Variants in ADGRG2 observed in about 807,000 individuals in gnomAD.
ADGRG2 encodes the protein adhesion G protein-coupled receptor G2.
Under a neutral mutation model 74.1 loss-of-function variants are expected in ADGRG2, and 26 were observed. The ratio of observed to expected loss-of-function variants is 0.35; its 90% CI spans 0.26 to 0.49. The LOEUF (loss-of-function observed/expected upper bound fraction) is 0.49. Ranked by LOEUF, ADGRG2 falls within the 20% of genes least tolerant of loss-of-function variation. The pLI is 0.99. For synonymous variants in ADGRG2, 296 were observed against 295.2 expected (o/e 1.00, Z -0.03); for missense variants, 619 against 763.1 (o/e 0.81, Z 2.22).
intron 15 of ADGRG2, among the ~76,000 whole-genome samples, chrX:19,014,384 C>A (rs189147491): frequency 9.0e-6 from 1 of 111,725 alleles, no homozygotes. Flanking sequence ...CTTCTCTGTG[C>A]TCCCGGGTGA....
intron 3 of ADGRG2, among the ~76,000 whole-genome samples, chrX:19,064,252 G>T (rs5955687): frequency 0.22 from 24,073 of 111,641 alleles, 1,945 homozygotes; most frequent in East Asian, 0.39. Context: ...TCTGCTATAG[G>T]TGGCTTAGCA....
chrX:18,993,742 C>T (rs1009578081), intron 28 of ADGRG2, among the ~76,000 whole-genome samples: 5 of 103,592 alleles, frequency 4.8e-5, no homozygotes, highest in Middle Eastern at 5.0e-3. Context: ...CTTCAGGAAA[C>T]GGGAAAACTG....
intron 13 of ADGRG2, among the ~76,000 whole-genome samples, chrX:19,021,695 G>A: frequency 9.1e-6 from 1 of 110,386 alleles, no homozygotes; most frequent in Non-Finnish European, 1.9e-5. Flanking sequence ...GCCCAGGTTG[G>A]AGTGCAGTGG....
At chrX:19,043,761 A>T (rs76420842) in intron 3 of ADGRG2, among the ~76,000 whole-genome samples, 1 of 100,272 alleles carries the variant, frequency 1.0e-5, no homozygotes. Flanking sequence ...CCTCCCAGGC[A>T]TTTTTTTTTT....
At chrX:19,002,745 C>T (rs898665893) in intron 24 of ADGRG2, 101 bp downstream of exon 24, 1 of 819,822 alleles carries the variant, frequency 1.2e-6, no homozygotes. Flanking sequence ...TAGAAACTTG[C>T]TGAATGTGAT....
intron 1 of ADGRG2, among the ~76,000 whole-genome samples, chrX:19,107,641 T>G (rs868493886): frequency 1.2e-5 from 1 of 86,861 alleles, no homozygotes; most frequent in African/African-American, 4.6e-5. Context: ...TTTTTTGTTT[T>G]TTTTTTTTTT....
At chrX:19,094,571 G>A (rs1425960895) in intron 1 of ADGRG2, among the ~76,000 whole-genome samples, 2 of 112,030 alleles carry the variant, frequency 1.8e-5, no homozygotes, top group East Asian at 5.6e-4. Context: ...GCTGGGCTGC[G>A]CCTCAGAAAC....
intron 3 of ADGRG2, among the ~76,000 whole-genome samples, chrX:19,063,059 G>C: frequency 9.1e-6 from 1 of 110,048 alleles, no homozygotes; most frequent in Non-Finnish European, 1.9e-5. Context: ...GGAGGCTGGA[G>C]GTGCCAAAAC....
chrX:19,060,461 G>C (rs756971967), intron 3 of ADGRG2, among the ~76,000 whole-genome samples: 3 of 110,660 alleles, frequency 2.7e-5, no homozygotes, highest in Non-Finnish European at 5.7e-5. Context: ...CATCGCTTGG[G>C]GTATTTTGAA....
chrX:19,000,218 C>T (rs754203010), intron 24 of ADGRG2, among the ~76,000 whole-genome samples: 2 of 111,222 alleles, frequency 1.8e-5, no homozygotes, highest in East Asian at 2.8e-4. Flanking sequence ...AGGATGGTCT[C>T]GATCTCCTGA....
intron 1 of ADGRG2, among the ~76,000 whole-genome samples, chrX:19,106,609 C>T (rs1602129686): frequency 9.1e-6 from 1 of 109,498 alleles, no homozygotes; most frequent in Non-Finnish European, 1.9e-5. Context: ...AAAGAAGTTG[C>T]TATTCCAGGT....
At chrX:19,036,653 A>ACACACACACACAC in intron 6 of ADGRG2, among the ~76,000 whole-genome samples, 1 of 109,653 alleles carries the variant, frequency 9.1e-6, no homozygotes, top group Admixed American at 9.9e-5. Flanking sequence ...ACACACACAC[A>ACACACACACACAC]AAATGGGATC....
At chrX:19,108,540 T>C (rs1219982764) in intron 1 of ADGRG2, among the ~76,000 whole-genome samples, 1 of 112,013 alleles carries the variant, frequency 8.9e-6, no homozygotes, top group South Asian at 3.7e-4. Flanking sequence ...CCATCAGCAG[T>C]AGAAAGGATA....
intron 14 of ADGRG2, among the ~76,000 whole-genome samples, chrX:19,020,339 C>A (rs112984736): frequency 0.015 from 1,653 of 111,943 alleles, 11 homozygotes; most frequent in African/African-American, 0.028. Flanking sequence ...AATATGCACA[C>A]TTTTTGCTTG....
intron 4 of ADGRG2, among the ~76,000 whole-genome samples, chrX:19,039,863 C>T (rs1159078102): frequency 8.9e-6 from 1 of 111,935 alleles, no homozygotes; most frequent in South Asian, 3.7e-4. Context: ...AAACATCTGG[C>T]ATGTTTATGT....
chrX:19,107,753 A>T (rs2062332952), intron 1 of ADGRG2, among the ~76,000 whole-genome samples: 1 of 108,619 alleles, frequency 9.2e-6, no homozygotes, highest in African/African-American at 3.3e-5. Context: ...TGATGATATG[A>T]TATAGGTAGT....
chrX:19,016,465 C>T (rs975816792), intron 15 of ADGRG2, among the ~76,000 whole-genome samples: 6 of 111,270 alleles, frequency 5.4e-5, no homozygotes, highest in Non-Finnish European at 1.1e-4. Flanking sequence ...GAAGCCCAGG[C>T]CACATCCTAC....
intron 3 of ADGRG2, among the ~76,000 whole-genome samples, chrX:19,047,221 T>A (rs2061211491): frequency 8.9e-6 from 1 of 111,767 alleles, no homozygotes; most frequent in Non-Finnish European, 1.9e-5. Context: ...AGTCAGCCAT[T>A]GTGAGCCCCC....
chrX:18,998,824 T>C (rs920125850), intron 26 of ADGRG2, among the ~76,000 whole-genome samples, 172 bp downstream of exon 26: 1 of 111,611 alleles, frequency 9.0e-6, no homozygotes, highest in African/African-American at 3.3e-5. Context: ...AACTTTTATA[T>C]GCACTGGGAA....
Sources: allele counts gnomAD v4.1 joint callset (sites outside exome capture counted in the v4.1 genomes callset), GRCh38; gene constraint gnomAD v4.1.1; transcripts MANE v1.5; gene names NCBI Gene and HGNC (gene_info 2026-07-23, HGNC 2026-07-21).